Variants in STIM2 observed in about 807,000 individuals in gnomAD.
STIM2 encodes the protein stromal interaction molecule 2.
A neutral mutation model predicts 85.8 loss-of-function variants in STIM2; 31 were observed. The ratio of observed to expected loss-of-function variants is 0.36; its 90% CI spans 0.27 to 0.49. STIM2 has a LOEUF of 0.49. STIM2 is among the 20% of genes least tolerant of loss of function. The pLI is 0.98. For missense variants in STIM2, 841 were observed against 927.6 expected, an observed-to-expected ratio of 0.91 and a Z score of 1.21; for synonymous variants, 356 against 331.1, an observed-to-expected ratio of 1.08 and a Z score of -0.82.
intron 1 of STIM2, among the ~76,000 whole-genome samples, chr4:26,881,187 T>C (rs1266541356): frequency 6.6e-6 from 1 of 152,098 alleles, no homozygotes; most frequent in Non-Finnish European, 1.5e-5. Context: ...AGACGGGGGC[T>C]GGGCGCGGTA....
chr4:26,878,541 G>A lies in STIM2; in HGVS notation c.151+17172G>A, dbSNP rs186136657. On this transcript the variant is annotated intron_variant, in intron 1 of 11. Coordinates refer to ENST00000467087, the MANE Select transcript of STIM2 (RefSeq NM_020860.4). ...GGTAATTACCTGCTTCTCCTAGTCT[G>A]TAATTGTCTCTCAGACTCTGACTAA... Among the ~76,000 whole-genome samples, 37 of 152,192 alleles carry A rather than the reference G, an allele frequency of 2.4e-4. 1 individual carries two copies. Among genetic ancestry groups the A allele is most frequent in the Admixed American group, 2.4e-3 (37 of 15,304 alleles).
At chr4:26,949,700 G>C (rs563023961) in intron 2 of STIM2, among the ~76,000 whole-genome samples, 42 of 152,056 alleles carry the variant, frequency 2.8e-4, no homozygotes, top group Non-Finnish European at 4.6e-4. Flanking sequence ...TTGAATTTGC[G>C]TATGTGTGTG....
intron 2 of STIM2, among the ~76,000 whole-genome samples, chr4:26,936,455 A>G (rs1328576201): frequency 1.3e-5 from 2 of 152,202 alleles, no homozygotes; most frequent in African/African-American, 4.8e-5. Flanking sequence ...GTTTCTTATC[A>G]TCCAGACTAT....
intron 10 of STIM2, among the ~76,000 whole-genome samples, chr4:27,012,163 C>A (rs1728580322): frequency 6.6e-6 from 1 of 152,028 alleles, no homozygotes; most frequent in African/African-American, 2.4e-5. Context: ...TTCACTGGCC[C>A]TATTCTGCTT....
chr4:26,890,788 C>T (rs1723444217), intron 1 of STIM2, among the ~76,000 whole-genome samples: 1 of 146,240 alleles, frequency 6.8e-6, no homozygotes, highest in African/African-American at 2.6e-5. Flanking sequence ...CCCGCCACTG[C>T]ACTCCAGCCT....
intron 1 of STIM2, among the ~76,000 whole-genome samples, chr4:26,905,071 G>A (rs1383510240): frequency 2.6e-5 from 4 of 152,124 alleles, no homozygotes; most frequent in African/African-American, 9.7e-5. Context: ...AGTATAGGAA[G>A]CAAAGTCTTC....
At chr4:26,870,051 C>A (rs28447383) in intron 1 of STIM2, among the ~76,000 whole-genome samples, 3,800 of 152,062 alleles carry the variant, frequency 0.025, 168 homozygotes, top group African/African-American at 0.088. Context: ...TGAAGTAACG[C>A]AGCCATAGAA....
At chr4:26,869,254 A>G (rs1167045849) in intron 1 of STIM2, among the ~76,000 whole-genome samples, 2 of 148,646 alleles carry the variant, frequency 1.3e-5, no homozygotes, top group Non-Finnish European at 3.0e-5. Flanking sequence ...AGCCCTGATC[A>G]GGCCACTGCA....
In STIM2 at chr4:27,024,133, TG is replaced by T. The variant is rs1729005658; in HGVS notation, c.*1138del. The T allele has an allele frequency of 1.3e-5, 2 of 152,344 alleles. No homozygotes were observed. Among genetic ancestry groups the T allele is most frequent in the South Asian group, 2.1e-4 (1 of 4,832 alleles). The allele number at this position is 152,344 out of a possible 1,614,324, so 9.4% of individuals were successfully genotyped here. On this transcript the variant is annotated 3_prime_UTR_variant, in exon 12 of 12. Transcript: ENST00000467087. ...TGTTATATTTTTATGTAGTTTGAAA[TG>T]TAAAAATGTTCTAATATCAAGATTA...
chr4:26,876,420 G>T (rs371084249), intron 1 of STIM2, among the ~76,000 whole-genome samples: 1 of 151,900 alleles, frequency 6.6e-6, no homozygotes, highest in East Asian at 1.9e-4. Context: ...TTTAACTCAG[G>T]GTTGCATTTT....
chr4:26,940,937 C>A (rs1264993268), intron 2 of STIM2, among the ~76,000 whole-genome samples: 1 of 152,114 alleles, frequency 6.6e-6, no homozygotes. Flanking sequence ...CTAATAGATT[C>A]CCAGGCAGTG....
chr4:26,865,602 G>A (rs545409050), intron 1 of STIM2, among the ~76,000 whole-genome samples: 25 of 152,176 alleles, frequency 1.6e-4, no homozygotes, highest in South Asian at 2.1e-4. Context: ...ATTGTTGGAC[G>A]TCTGCATTTA....
chr4:26,903,205 C>T lies in STIM2; in HGVS notation c.152-16299C>T, dbSNP rs578069669. On this transcript the variant is annotated intron_variant, in intron 1 of 11. Transcript: ENST00000467087. The stretch of plus-strand genomic sequence containing the variant: ...CTTGGGATAATAAAATAACTTGGCC[C>T]CCTACCTCTAGTCTGTTGCCCTTAA... Among the ~76,000 whole-genome samples the T allele has an allele frequency of 3.3e-5, 5 of 152,136 alleles. No homozygotes were observed. The South Asian group carries it at 8.3e-4, about 25-fold the overall frequency.
rs1359319819 is a variant in STIM2, at chr4:27,017,671, C to G, written c.1490-40C>G. ...ATTTGTGGTGACTGTAAAGGGAACC[C>G]TGGACTTCATGAGCATGTTTCTTTC... On this transcript the variant is annotated intron_variant, in intron 10 of 11. Coordinates refer to ENST00000467087, the MANE Select transcript of STIM2 (RefSeq NM_020860.4). 3.1e-6 allele frequency: 5 copies of G among 1,608,610 alleles called. No homozygotes were observed. The African/African-American group carries it at 6.7e-5, about 21-fold the overall frequency.
chr4:26,894,419 T>A (rs754286250), intron 1 of STIM2, among the ~76,000 whole-genome samples: 24 of 152,326 alleles, frequency 1.6e-4, no homozygotes, highest in Non-Finnish European at 3.2e-4. Context: ...TTAGTTTAAC[T>A]TAGTTTGTAT....
chr4:26,867,114 A>G (rs925031717), intron 1 of STIM2, among the ~76,000 whole-genome samples: 7 of 152,226 alleles, frequency 4.6e-5, no homozygotes, highest in African/African-American at 1.4e-4. Flanking sequence ...TGGAGTGGCT[A>G]TGAAAATGTT....
At chr4:27,000,812 A>C (rs1390905102) in intron 5 of STIM2, among the ~76,000 whole-genome samples, 1 of 21,676 alleles carries the variant, frequency 4.6e-5, no homozygotes, top group Non-Finnish European at 1.5e-4. Context: ...ATACATTTTA[A>C]AGTTTTTTTT....
At chr4:26,919,698 G>T in intron 2 of STIM2, 64 bp downstream of exon 2, 2 of 1,565,718 alleles carry the variant, frequency 1.3e-6, no homozygotes, top group Non-Finnish European at 1.7e-6. Context: ...TCTGTTTCTG[G>T]TCTTCAATTT....
intron 1 of STIM2, among the ~76,000 whole-genome samples, chr4:26,890,539 A>G (rs1723428099): frequency 6.6e-6 from 1 of 152,092 alleles, no homozygotes; most frequent in Non-Finnish European, 1.5e-5. Flanking sequence ...CTGTTTCTCA[A>G]AAGGAGAGTA....
Sources: gnomAD v4.1 joint callset for allele counts (sites outside exome capture counted in the v4.1 genomes callset) on GRCh38, gnomAD v4.1.1 for gene constraint, MANE v1.5 for transcripts, NCBI Gene and HGNC (gene_info 2026-07-23, HGNC 2026-07-21) for gene names.